SMPD3: variants seen among roughly 807,000 people sequenced by gnomAD.
SMPD3 encodes the protein sphingomyelin phosphodiesterase 3, also known as nSMase-2.
A neutral mutation model predicts 55.7 loss-of-function variants in SMPD3; 21 were observed. The ratio of observed to expected loss-of-function variants is 0.38; its 90% CI spans 0.27 to 0.54. SMPD3 has a LOEUF of 0.54. Ranked by LOEUF, SMPD3 falls within the 20% of genes least tolerant of loss-of-function variation. The pLI is 0.80. For synonymous variants in SMPD3, 457 were observed against 404.3 expected, an observed-to-expected ratio of 1.13 and a Z score of -1.56; for missense variants, 842 against 899.6, an observed-to-expected ratio of 0.94 and a Z score of 0.82.
chr16:68,429,083 C>T (rs895847379), intron 1 of SMPD3, among the ~76,000 whole-genome samples: 1 of 152,196 alleles, frequency 6.6e-6, no homozygotes, highest in African/African-American at 2.4e-5. Context: ...TGGGCTAGGC[C>T]ATTGCAGTGT....
chr16:68,362,027 T>C (rs1310317310), intron 7 of SMPD3, among the ~76,000 whole-genome samples: 2 of 152,194 alleles, frequency 1.3e-5, no homozygotes, highest in Admixed American at 1.3e-4. Flanking sequence ...ACTTTCCCTT[T>C]CTGAACTCGG....
At chr16:68,370,063 A>G (rs4783558) in intron 3 of SMPD3, 114,398 of 152,244 alleles carry the variant, frequency 0.75, 43,370 homozygotes, top group East Asian at 0.86. Flanking sequence ...GCCAAATGAC[A>G]CTTCAGAAAA....
chr16:68,442,875 C>G (rs72792258), intron 1 of SMPD3, among the ~76,000 whole-genome samples: 1 of 152,192 alleles, frequency 6.6e-6, no homozygotes, highest in African/African-American at 2.4e-5. Flanking sequence ...TCCAAGCGCC[C>G]TCGGGAAAAG....
intron 1 of SMPD3, among the ~76,000 whole-genome samples, chr16:68,443,310 CCA>C (rs1199343619): frequency 6.6e-6 from 1 of 152,108 alleles, no homozygotes; most frequent in Non-Finnish European, 1.5e-5. Context: ...TGGCTGAGGC[CCA>C]CACAGTGAAA....
intron 1 of SMPD3, among the ~76,000 whole-genome samples, chr16:68,388,038 G>A (rs188322635): frequency 6.6e-6 from 1 of 152,152 alleles, no homozygotes; most frequent in Non-Finnish European, 1.5e-5. Flanking sequence ...AGCCTCAGAG[G>A]CTCCCTCCTC....
rs2089429286 is a variant in SMPD3 at position 68,364,907 on chromosome 16, C to T, written c.1400-1G>A. Reference sequence around the variant, plus strand: ...TGCCCACACCGGATGGCGCTGTCCTCTGCAGGGCAGAAGTACAGAGACTGG... The same window carrying T: ...TGCCCACACCGGATGGCGCTGTCCTTTGCAGGGCAGAAGTACAGAGACTGG... On this transcript the variant is annotated splice_acceptor_variant, in intron 4 of 8. Transcript: ENST00000219334. LOFTEE classifies it high-confidence loss of function. 1.2e-6 allele frequency: 2 copies of T among 1,613,468 alleles called. No individual in the cohort carries two copies. Among genetic ancestry groups the T allele is most frequent in the African/African-American group, 2.7e-5 (2 of 74,946 alleles).
At chr16:68,439,552 A>C (rs556308000) in intron 1 of SMPD3, among the ~76,000 whole-genome samples, 2 of 152,328 alleles carry the variant, frequency 1.3e-5, no homozygotes, top group African/African-American at 4.8e-5. Context: ...TTCCACCTCA[A>C]TTCACCCGCT....
chr16:68,377,235 C>T (rs2089838423), intron 2 of SMPD3, among the ~76,000 whole-genome samples: 1 of 152,196 alleles, frequency 6.6e-6, no homozygotes, highest in Non-Finnish European at 1.5e-5. Context: ...GCAGAGAGCT[C>T]CATGGTTTGC....
chr16:68,370,934 C>T lies in SMPD3; in HGVS notation c.1248G>A (p.Met416Ile), dbSNP rs200140959. The T allele has an allele frequency of 2.1e-4, 338 of 1,614,074 alleles. No individual in the cohort carries two copies. The highest frequency in any genetic ancestry group is 2.6e-4 in the Non-Finnish European group (307 of 1,180,042). Reference sequence around the variant, plus strand: ...TGGGGTAACAGTGATAGGCCACGTCCATGATGGGGTAGCGGCTGGCAAAGA... The same window carrying T: ...TGGGGTAACAGTGATAGGCCACGTCTATGATGGGGTAGCGGCTGGCAAAGA... ...GLLFASRYPI[M>I]DVAYHCYPNK... is the part of the protein sequence containing the mutation. The change falls in exon 3 of 9, where the codon ATG becomes ATA. Residue 416 changes from methionine (M) to isoleucine (I), a missense_variant. By Grantham distance (10) the Met-to-Ile change is conservative. Coordinates refer to ENST00000219334, the MANE Select transcript of SMPD3 (RefSeq NM_018667.4).
chr16:68,424,781 G>A (rs1168492829), intron 1 of SMPD3, among the ~76,000 whole-genome samples: 1 of 152,180 alleles, frequency 6.6e-6, no homozygotes, highest in East Asian at 1.9e-4. Context: ...CATGATCTCA[G>A]TTCACTGCAA....
At chr16:68,379,978 A>G (rs2089911468) in intron 2 of SMPD3, among the ~76,000 whole-genome samples, 1 of 152,264 alleles carries the variant, frequency 6.6e-6, no homozygotes, top group African/African-American at 2.4e-5. Context: ...CCCTGGGTCC[A>G]GGCCCTTGTG....
At chr16:68,380,421 C>T (rs976490043) in intron 2 of SMPD3, among the ~76,000 whole-genome samples, 6 of 152,274 alleles carry the variant, frequency 3.9e-5, no homozygotes, top group Non-Finnish European at 7.3e-5. Context: ...CACAGCTGAG[C>T]ATCTAGCCAG....
chr16:68,380,336 T>G (rs113477771), intron 2 of SMPD3, among the ~76,000 whole-genome samples: 3,388 of 152,346 alleles, frequency 0.022, 153 homozygotes, highest in African/African-American at 0.076. Flanking sequence ...AGGGGCAAAG[T>G]CTTGCTTCAG....
At chr16:68,388,167 T>C (rs1013077480) in intron 1 of SMPD3, among the ~76,000 whole-genome samples, 6 of 152,202 alleles carry the variant, frequency 3.9e-5, no homozygotes, top group South Asian at 2.1e-4. Flanking sequence ...CCCAGGTCTA[T>C]GCTCTGCACG....
chr16:68,365,369 G>T (rs1379553149), intron 3 of SMPD3, among the ~76,000 whole-genome samples: 1 of 152,144 alleles, frequency 6.6e-6, no homozygotes, highest in Non-Finnish European at 1.5e-5. Flanking sequence ...CCGCAGCAAG[G>T]CTCCCCGGAG....
intron 1 of SMPD3, among the ~76,000 whole-genome samples, chr16:68,400,354 A>T (rs1039419229): frequency 6.6e-6 from 1 of 152,180 alleles, no homozygotes; most frequent in Admixed American, 6.5e-5. Flanking sequence ...TGTAATTTTA[A>T]ACGATAATTA....
intron 2 of SMPD3, among the ~76,000 whole-genome samples, chr16:68,373,408 C>T (rs943871419): frequency 6.6e-5 from 10 of 152,202 alleles, no homozygotes; most frequent in South Asian, 2.1e-4. Context: ...ATCACCCCGT[C>T]GGGGAGCCTA....
chr16:68,372,260 G>A lies in SMPD3; in HGVS notation c.-79C>T, dbSNP rs1399632867. The A allele has an allele frequency of 6.5e-7, 1 of 1,550,326 alleles. No homozygotes were observed. Among genetic ancestry groups the A allele is most frequent in the South Asian group, 1.2e-5 (1 of 83,348 alleles). On this transcript the variant is annotated 5_prime_UTR_variant, in exon 3 of 9. Transcript: ENST00000219334. ...GCGGGCACTTTCCTGGGCGAGGGTGGGCGAGTTGGGGGCAGCTGGAGGAGG... is the reference window on the plus strand; with the variant it reads ...GCGGGCACTTTCCTGGGCGAGGGTGAGCGAGTTGGGGGCAGCTGGAGGAGG...
chr16:68,429,705 C>T (rs1430585196), intron 1 of SMPD3, among the ~76,000 whole-genome samples: 1 of 152,176 alleles, frequency 6.6e-6, no homozygotes, highest in East Asian at 1.9e-4. Context: ...GCCCTTTGGG[C>T]TGTGCCCTTC....
Sources: allele counts gnomAD v4.1 joint callset (sites outside exome capture counted in the v4.1 genomes callset), GRCh38; gene constraint gnomAD v4.1.1; transcripts MANE v1.5; gene names NCBI Gene and HGNC (gene_info 2026-07-23, HGNC 2026-07-21).